GALNTL6: variants seen among roughly 807,000 people sequenced by gnomAD.
GALNTL6 encodes polypeptide N-acetylgalactosaminyltransferase like 6.
A neutral mutation model predicts 73.7 loss-of-function variants in GALNTL6; 46 were observed. The ratio of observed to expected loss-of-function variants is 0.62; its 90% confidence interval spans 0.49 to 0.80. The LOEUF is 0.80. GALNTL6 is among the 30% of genes least tolerant of loss of function. The pLI is 0.00. For synonymous variants in GALNTL6, 259 were observed against 263.7 expected (o/e 0.98, Z 0.17); for missense variants, 604 against 755.0 (o/e 0.80, Z 2.34).
At chr4:172,623,561 T>C (rs1560841128) in intron 5 of GALNTL6, among the ~76,000 whole-genome samples, 1 of 152,118 alleles carries the variant, frequency 6.6e-6, no homozygotes, top group Admixed American at 6.6e-5. Flanking sequence ...AGGTACCTAC[T>C]AAAAAGAACC....
intron 5 of GALNTL6, among the ~76,000 whole-genome samples, chr4:172,734,668 G>A (rs1290553901): frequency 6.6e-6 from 1 of 152,140 alleles, no homozygotes; most frequent in Non-Finnish European, 1.5e-5. Flanking sequence ...TTCATGGGCT[G>A]GTGTTGAGTG....
intron 5 of GALNTL6, among the ~76,000 whole-genome samples, chr4:172,502,219 A>G (rs1734287286): frequency 6.6e-6 from 1 of 152,200 alleles, no homozygotes; most frequent in Admixed American, 6.5e-5. Flanking sequence ...AGAATAATCC[A>G]AAATTCTTCA....
chr4:171,833,362 T>G (rs1026026653), intron 2 of GALNTL6, among the ~76,000 whole-genome samples: 3 of 151,746 alleles, frequency 2.0e-5, no homozygotes, highest in Middle Eastern at 3.2e-3. Flanking sequence ...TTTTAATTTG[T>G]TAAGCACACT....
At chr4:172,716,584 A>G (rs992809915) in intron 5 of GALNTL6, among the ~76,000 whole-genome samples, 1 of 152,130 alleles carries the variant, frequency 6.6e-6, no homozygotes, top group Non-Finnish European at 1.5e-5. Context: ...GAGGATAAAT[A>G]TATCCCTAGA....
At chr4:172,060,747 C>T (rs1731174356) in intron 2 of GALNTL6, among the ~76,000 whole-genome samples, 1 of 152,160 alleles carries the variant, frequency 6.6e-6, no homozygotes, top group African/African-American at 2.4e-5. Flanking sequence ...CAAAACATCA[C>T]TTAGTCACTA....
intron 2 of GALNTL6, among the ~76,000 whole-genome samples, chr4:171,866,761 A>G (rs530833532): frequency 2.2e-4 from 33 of 152,276 alleles, no homozygotes; most frequent in Admixed American, 4.6e-4. Context: ...GTGTCCTCAC[A>G]TGGTGGAAAG....
At position 172,964,237 on chromosome 4, in the gene GALNTL6, G is replaced by A. The variant is rs187636783; in HGVS notation, c.1371+11979G>A. Among the ~76,000 whole-genome samples, 36 of 152,228 alleles carry A rather than the reference G, an allele frequency of 2.4e-4. No homozygotes were observed. The East Asian group carries it at 2.5e-3, about 11-fold the overall frequency. On this transcript the variant is annotated intron_variant, in intron 10 of 12. Coordinates refer to ENST00000506823, the MANE Select transcript of GALNTL6 (RefSeq NM_001034845.3). ...AGAAACTGAATTCCCTATTATTTTC[G>A]CCTTCTCCTCCTTAGAATTCATGAA...
At chr4:172,789,334 G>C (rs939820637) in intron 5 of GALNTL6, among the ~76,000 whole-genome samples, 2 of 152,182 alleles carry the variant, frequency 1.3e-5, no homozygotes, top group African/African-American at 4.8e-5. Flanking sequence ...TCCAATCCGT[G>C]TCTCACATGT....
chr4:171,937,678 C>G (rs1738393285), intron 2 of GALNTL6, among the ~76,000 whole-genome samples: 2 of 152,192 alleles, frequency 1.3e-5, no homozygotes, highest in East Asian at 1.9e-4. Flanking sequence ...CTAGGTGAAA[C>G]AGTTTCACAC....
At chr4:172,823,990 C>G (rs563894890) in intron 7 of GALNTL6, among the ~76,000 whole-genome samples, 1 of 152,092 alleles carries the variant, frequency 6.6e-6, no homozygotes, top group South Asian at 2.1e-4. Context: ...CAATGGGCTT[C>G]AAGAGAGTTC....
chr4:173,025,757 TAG>T (rs1352257265), intron 12 of GALNTL6, among the ~76,000 whole-genome samples: 1 of 152,214 alleles, frequency 6.6e-6, no homozygotes, highest in Non-Finnish European at 1.5e-5. Flanking sequence ...CATCAGCCCT[TAG>T]AGTTATTCAG....
At chr4:172,396,584 C>T (rs1743856854) in intron 5 of GALNTL6, among the ~76,000 whole-genome samples, 1 of 152,076 alleles carries the variant, frequency 6.6e-6, no homozygotes, top group South Asian at 2.1e-4. Context: ...TACTTAAGAC[C>T]AGTTCTCAAT....
chr4:171,883,271 G>C (rs527450486), intron 2 of GALNTL6, among the ~76,000 whole-genome samples: 4 of 152,088 alleles, frequency 2.6e-5, no homozygotes, highest in Non-Finnish European at 4.4e-5. Flanking sequence ...AGAATTGCTT[G>C]AACCTGGGAG....
intron 5 of GALNTL6, among the ~76,000 whole-genome samples, chr4:172,627,043 G>C (rs1739196672): frequency 6.6e-6 from 1 of 152,106 alleles, no homozygotes; most frequent in Non-Finnish European, 1.5e-5. Flanking sequence ...TTGAATAGGA[G>C]TGGTGAGAGT....
chr4:172,591,046 G>A (rs1737616539), intron 5 of GALNTL6, among the ~76,000 whole-genome samples: 1 of 152,074 alleles, frequency 6.6e-6, no homozygotes, highest in African/African-American at 2.4e-5. Context: ...ACAGATTTAG[G>A]AAACTAAACA....
intron 2 of GALNTL6, among the ~76,000 whole-genome samples, chr4:172,188,553 G>A (rs1027301747): frequency 5.9e-5 from 9 of 152,160 alleles, no homozygotes; most frequent in African/African-American, 9.7e-5. Context: ...CAACTGCACC[G>A]AATATTGCTA....
intron 2 of GALNTL6, among the ~76,000 whole-genome samples, chr4:171,973,969 T>C (rs976712990): frequency 6.6e-6 from 1 of 152,046 alleles, no homozygotes; most frequent in African/African-American, 2.4e-5. Context: ...TAATCAGACA[T>C]TTTGTTTTTG....
chr4:172,138,278 T>C (rs1733688212), intron 2 of GALNTL6, among the ~76,000 whole-genome samples: 1 of 151,184 alleles, frequency 6.6e-6, no homozygotes, highest in Non-Finnish European at 1.5e-5. Flanking sequence ...AATATTCAAA[T>C]CCTGTCTCTC....
chr4:172,829,894 A>G (rs1742527223), intron 7 of GALNTL6, among the ~76,000 whole-genome samples: 1 of 152,254 alleles, frequency 6.6e-6, no homozygotes, highest in Non-Finnish European at 1.5e-5. Context: ...ATCAAAGGAA[A>G]TCTAATTCCA....
Sources: gnomAD v4.1 joint callset for allele counts (sites outside exome capture counted in the v4.1 genomes callset) on GRCh38, gnomAD v4.1.1 for gene constraint, MANE v1.5 for transcripts, NCBI Gene and HGNC (gene_info 2026-07-23, HGNC 2026-07-21) for gene names.